Variants in SLC16A7 observed in about 807,000 individuals in gnomAD.
SLC16A7 encodes monocarboxylate transporter 2.
SLC16A7 carries 33 observed loss-of-function variants against 34.9 expected under a neutral mutation model. The ratio of observed to expected loss-of-function variants is 0.94; its 90% CI spans 0.72 to 1.26. SLC16A7 has a LOEUF of 1.26. SLC16A7 is among the 50% of genes most tolerant of loss of function. The pLI is 0.00. For missense variants in SLC16A7, 573 were observed against 578.1 expected (o/e 0.99, Z 0.09); for synonymous variants, 201 against 206.6 (o/e 0.97, Z 0.23).
chr12:59,780,579 T>C lies in SLC16A7; in HGVS notation c.*900T>C, dbSNP rs1227865707. 6 of 152,160 alleles carry C rather than the reference T, an allele frequency of 3.9e-5. No individual in the cohort carries two copies. Among genetic ancestry groups the C allele is most frequent in the Non-Finnish European group, 7.4e-5 (5 of 68,014 alleles). The allele number at this position is 152,160 out of a possible 1,614,324, so 9.4% of individuals were successfully genotyped here. A position where few individuals can be genotyped will look rare whatever the true frequency, so the allele number is the denominator to read the frequency against. Reference sequence around the variant, plus strand: ...CTTAACAATGAGTCACATCCATTGATTTTACAGGGATTTTAGTTCGTAATC... The same window carrying C: ...CTTAACAATGAGTCACATCCATTGACTTTACAGGGATTTTAGTTCGTAATC... On this transcript the variant is annotated 3_prime_UTR_variant, in exon 6 of 6. Coordinates refer to ENST00000547379, the MANE Select transcript of SLC16A7 (RefSeq NM_001270623.2).
intron 3 of SLC16A7, among the ~76,000 whole-genome samples, chr12:59,762,508 C>T (rs190238235): frequency 3.3e-5 from 5 of 151,982 alleles, no homozygotes; most frequent in Admixed American, 2.0e-4. Context: ...GCAAATTGTC[C>T]GTAAGGGACA....
chr12:59,720,959 AT>A (rs1277869763), intron 3 of SLC16A7, among the ~76,000 whole-genome samples: 6 of 151,972 alleles, frequency 3.9e-5, no homozygotes, highest in Admixed American at 2.6e-4. Context: ...ATTTTTTTGT[AT>A]CTCTTGATGA....
chr12:59,693,959 A>G (rs545547645), intron 2 of SLC16A7, among the ~76,000 whole-genome samples: 1 of 152,064 alleles, frequency 6.6e-6, no homozygotes, highest in African/African-American at 2.4e-5. Context: ...GCCCTCATCT[A>G]TGAAACGTGA....
In SLC16A7 at chr12:59,780,281, T is replaced by G. The variant is rs997033299; in HGVS notation, c.*602T>G. On this transcript the variant is annotated 3_prime_UTR_variant, in exon 6 of 6. Coordinates refer to ENST00000547379, the MANE Select transcript of SLC16A7 (RefSeq NM_001270623.2). Reference sequence around the variant, plus strand: ...AGAAACATATGTCTGCGTGCTACTTTACAATGTTGGTTTTAAAGATAAGCA... The same window carrying G: ...AGAAACATATGTCTGCGTGCTACTTGACAATGTTGGTTTTAAAGATAAGCA... 5.3e-5 allele frequency: 8 copies of G among 152,182 alleles called. No homozygotes were observed. The highest frequency in any genetic ancestry group is 1.9e-4 in the African/African-American group (8 of 41,542). 9.4% of individuals were successfully genotyped at this position (152,182 alleles called of 1,614,324 possible).
chr12:59,777,151 C>A (rs1477486193), intron 5 of SLC16A7, among the ~76,000 whole-genome samples: 2 of 152,168 alleles, frequency 1.3e-5, no homozygotes, highest in Non-Finnish European at 2.9e-5. Flanking sequence ...AAAACAGTTT[C>A]AATATTTTTG....
chr12:59,667,571 G>A (rs189526277), intron 2 of SLC16A7, among the ~76,000 whole-genome samples: 237 of 152,300 alleles, frequency 1.6e-3, no homozygotes, highest in Admixed American at 2.9e-3. Context: ...AGGATATCTG[G>A]TGGGAGAAAG....
At chr12:59,723,400 A>G (rs897921062) in intron 3 of SLC16A7, among the ~76,000 whole-genome samples, 1 of 151,928 alleles carries the variant, frequency 6.6e-6, no homozygotes, top group Non-Finnish European at 1.5e-5. Flanking sequence ...AAAGGTGACA[A>G]AGATGTAGTG....
chr12:59,619,113 A>T (rs1879587358), intron 1 of SLC16A7, among the ~76,000 whole-genome samples: 1 of 152,196 alleles, frequency 6.6e-6, no homozygotes, highest in African/African-American at 2.4e-5. Context: ...CATTTTACCA[A>T]ATAGTTTTTA....
intron 5 of SLC16A7, among the ~76,000 whole-genome samples, chr12:59,776,213 TGAGA>T (rs200313617): frequency 6.6e-5 from 10 of 151,526 alleles, no homozygotes; most frequent in African/African-American, 2.4e-4. Flanking sequence ...GTCTAATACT[TGAGA>T]GAGAGAGAGA....
intron 1 of SLC16A7, among the ~76,000 whole-genome samples, chr12:59,598,779 A>G (rs1223288956): frequency 2.0e-5 from 3 of 152,194 alleles, no homozygotes; most frequent in Non-Finnish European, 4.4e-5. Context: ...TTTGAGTTGC[A>G]GTTTCTACTA....
At chr12:59,662,044 A>C (rs1285659126) in intron 2 of SLC16A7, among the ~76,000 whole-genome samples, 1 of 152,048 alleles carries the variant, frequency 6.6e-6, no homozygotes, top group Non-Finnish European at 1.5e-5. Context: ...ATGAGAAAAG[A>C]AATGTGTTAT....
chr12:59,627,265 T>G (rs889752850), intron 1 of SLC16A7, among the ~76,000 whole-genome samples: 23 of 151,840 alleles, frequency 1.5e-4, no homozygotes, highest in African/African-American at 5.6e-4. Flanking sequence ...ATGAAAAAAA[T>G]CCATTAATTT....
chr12:59,600,096 T>C (rs1285841203), intron 1 of SLC16A7, among the ~76,000 whole-genome samples: 3 of 152,248 alleles, frequency 2.0e-5, no homozygotes, highest in African/African-American at 7.2e-5. Flanking sequence ...AAAAATAGAA[T>C]AGTAACCAAT....
At chr12:59,774,617 G>A (rs1381225124) in intron 4 of SLC16A7, 40 bp from the exon 5 acceptor site, 2 of 1,280,456 alleles carry the variant, frequency 1.6e-6, no homozygotes, top group African/African-American at 1.5e-5. Context: ...GTGCCATAAT[G>A]TGTTTGTGTT....
Position 59,628,496 on chromosome 12 carries a change from C to T in SLC16A7, c.-129-26656C>T, listed in dbSNP as rs148333744. The stretch of plus-strand genomic sequence containing the variant: ...TGTCCCTTTCTGTAGGAAATTACGC[C>T]GGAGTCCCATAGGAATAATTCATTG... On this transcript the variant is annotated intron_variant, in intron 1 of 5. Transcript: ENST00000547379. Among the ~76,000 whole-genome samples, 279 of 151,814 alleles carry T rather than the reference C, an allele frequency of 1.8e-3. 1 individual carries two copies. The highest frequency in any genetic ancestry group is 5.3e-3 in the African/African-American group (220 of 41,454).
chr12:59,679,789 C>T (rs1350766469), intron 2 of SLC16A7, among the ~76,000 whole-genome samples: 1 of 152,072 alleles, frequency 6.6e-6, no homozygotes, highest in Non-Finnish European at 1.5e-5. Flanking sequence ...GACAACAAGA[C>T]ATTAAATGCA....
intron 4 of SLC16A7, 97 bp from the exon 5 acceptor site, chr12:59,774,560 G>T: frequency 1.4e-6 from 1 of 697,710 alleles, no homozygotes; most frequent in Non-Finnish European, 2.4e-6. Flanking sequence ...TTTTAATTCT[G>T]CCTTTCCCAC....
chr12:59,695,198 T>G (rs1872138895), intron 2 of SLC16A7, among the ~76,000 whole-genome samples: 1 of 152,040 alleles, frequency 6.6e-6, no homozygotes, highest in South Asian at 2.1e-4. Flanking sequence ...AGATATGCCT[T>G]AGGCTGTCTT....
At chr12:59,766,622 C>T (rs1228520183) in intron 3 of SLC16A7, among the ~76,000 whole-genome samples, 1 of 152,092 alleles carries the variant, frequency 6.6e-6, no homozygotes, top group Non-Finnish European at 1.5e-5. Flanking sequence ...TGTTTATATG[C>T]TGGATTACGT....
Sources: allele counts gnomAD v4.1 joint callset (sites outside exome capture counted in the v4.1 genomes callset), GRCh38; gene constraint gnomAD v4.1.1; transcripts MANE v1.5; gene names NCBI Gene and HGNC (gene_info 2026-07-23, HGNC 2026-07-21).